PUM2: variants seen among roughly 807,000 people sequenced by gnomAD.
PUM2 encodes pumilio homolog 2.
In PUM2, 57 loss-of-function variants were observed where a neutral mutation model predicts 124.5. That is an observed-to-expected ratio of 0.46 (90% CI 0.37 to 0.57). The LOEUF (loss-of-function observed/expected upper bound fraction) is 0.57. Ranked by LOEUF, PUM2 falls within the 20% of genes least tolerant of loss-of-function variation. The probability of loss-of-function intolerance (pLI) is 0.00; values close to 1 mark genes in which losing one functional copy is unlikely to be tolerated. For synonymous variants in PUM2, 460 were observed against 446.1 expected, an observed-to-expected ratio of 1.03 and a Z score of -0.39; for missense variants, 1,065 against 1,290.6, an observed-to-expected ratio of 0.83 and a Z score of 2.68.
chr2:20,281,049 G>C (rs1436563436), intron 12 of PUM2, among the ~76,000 whole-genome samples: 3 of 152,118 alleles, frequency 2.0e-5, no homozygotes, highest in Admixed American at 2.0e-4. Context: ...TAGAGCTCAT[G>C]TAAGTATGTA....
intron 1 of PUM2, among the ~76,000 whole-genome samples, chr2:20,341,560 T>A (rs183912795): frequency 2.0e-5 from 3 of 152,324 alleles, no homozygotes; most frequent in South Asian, 4.1e-4. Context: ...GTAAAGAAGG[T>A]ACTGTTGGCT....
chr2:20,318,487 A>G, intron 3 of PUM2, 50 bp downstream of exon 3: 1 of 1,506,094 alleles, frequency 6.6e-7, no homozygotes, highest in East Asian at 2.3e-5. Context: ...ATTATGACTT[A>G]TAAAATGCTA....
chr2:20,308,704 G>C, intron 5 of PUM2, 120 bp from the exon 6 acceptor site: 1 of 899,572 alleles, frequency 1.1e-6, no homozygotes, highest in South Asian at 1.9e-5. Context: ...AGGCATTCTG[G>C]GTCACTATGC....
chr2:20,258,090 T>G, intron 16 of PUM2, 153 bp downstream of exon 16: 1 of 560,876 alleles, frequency 1.8e-6, no homozygotes, highest in Non-Finnish European at 2.9e-6. Context: ...TTCTAATTAG[T>G]AGTGTGCTAT....
At chr2:20,335,486 G>A (rs1685802119) in intron 1 of PUM2, among the ~76,000 whole-genome samples, 1 of 152,024 alleles carries the variant, frequency 6.6e-6, no homozygotes, top group Non-Finnish European at 1.5e-5. Context: ...ACCAACTCTT[G>A]GTAATTTCTT....
At chr2:20,273,340 C>A (rs903344445) in intron 13 of PUM2, among the ~76,000 whole-genome samples, 1 of 152,122 alleles carries the variant, frequency 6.6e-6, no homozygotes, top group African/African-American at 2.4e-5. Flanking sequence ...AAGTCTACTA[C>A]GAGGCATTTT....
chr2:20,323,187 G>A (rs1465205083), intron 2 of PUM2, among the ~76,000 whole-genome samples: 1 of 152,198 alleles, frequency 6.6e-6, no homozygotes, highest in Non-Finnish European at 1.5e-5. Context: ...GGTGGCTCAC[G>A]TCTGTAATCC....
At chr2:20,252,545 G>A (rs1558464658) in intron 20 of PUM2, among the ~76,000 whole-genome samples, 1 of 152,224 alleles carries the variant, frequency 6.6e-6, no homozygotes, top group Non-Finnish European at 1.5e-5. Flanking sequence ...AAGGGGTTAT[G>A]TAATTCATGT....
chr2:20,327,261 G>C lies in PUM2; in HGVS notation c.51+49C>G, dbSNP rs1177613735. On this transcript the variant is annotated intron_variant, in intron 2 of 20. Coordinates refer to ENST00000361078, the MANE Select transcript of PUM2 (RefSeq NM_015317.5). ...TTAAAAAAAAAAAATAAGTTACAAT[G>C]GCTCAAAATAAAGTGAGGTGTAAGT... 4 of 1,284,078 alleles carry C rather than the reference G, an allele frequency of 3.1e-6. No homozygotes were observed. The African/African-American group carries it at 6.0e-5, about 19-fold the overall frequency. The allele number at this position is 1,284,078 out of a possible 1,614,324, so 79.5% of individuals were successfully genotyped here. A position where few individuals can be genotyped will look rare whatever the true frequency, so the allele number is the denominator to read the frequency against.
intron 10 of PUM2, among the ~76,000 whole-genome samples, chr2:20,284,349 C>T (rs1672225562): frequency 6.6e-6 from 1 of 152,104 alleles, no homozygotes; most frequent in African/African-American, 2.4e-5. Flanking sequence ...GCAAAACATG[C>T]ATTGGCAACT....
intron 14 of PUM2, among the ~76,000 whole-genome samples, chr2:20,261,380 T>C (rs1489198796): frequency 9.9e-6 from 1 of 100,572 alleles, no homozygotes; most frequent in African/African-American, 4.0e-5. Context: ...AGCGACAGAG[T>C]GAGACTCTGT....
intron 7 of PUM2, among the ~76,000 whole-genome samples, chr2:20,298,144 G>C (rs1234330269): frequency 1.3e-5 from 2 of 152,108 alleles, no homozygotes; most frequent in African/African-American, 4.8e-5. Flanking sequence ...CACTCCATCT[G>C]GTGAGAAAAA....
chr2:20,284,996 G>C (rs927109362), intron 10 of PUM2, among the ~76,000 whole-genome samples: 1 of 152,104 alleles, frequency 6.6e-6, no homozygotes, highest in Non-Finnish European at 1.5e-5. Context: ...CTAAATCCAA[G>C]GCACACAGAA....
chr2:20,280,014 G>T (rs1370345334), intron 12 of PUM2, among the ~76,000 whole-genome samples: 1 of 152,048 alleles, frequency 6.6e-6, no homozygotes, highest in African/African-American at 2.4e-5. Flanking sequence ...CTTTTCAAGG[G>T]ATCTAAGTTT....
At chr2:20,275,686 T>C (rs1469389436) in intron 13 of PUM2, among the ~76,000 whole-genome samples, 2 of 151,900 alleles carry the variant, frequency 1.3e-5, no homozygotes, top group African/African-American at 4.8e-5. Flanking sequence ...ACCCATAAAT[T>C]ATCTGACCAA....
At chr2:20,307,319 T>C (rs1353915457) in intron 7 of PUM2, among the ~76,000 whole-genome samples, 8 of 152,196 alleles carry the variant, frequency 5.3e-5, no homozygotes, top group Admixed American at 3.3e-4. Flanking sequence ...CCCCCTTCCA[T>C]AGACTCTGAT....
intron 13 of PUM2, among the ~76,000 whole-genome samples, chr2:20,269,186 ATT>A (rs991010505): frequency 1.3e-5 from 2 of 151,766 alleles, no homozygotes; most frequent in Non-Finnish European, 2.9e-5. Flanking sequence ...ACTGAATAAA[ATT>A]TTAATAATAA....
rs1346529172 is a variant in PUM2, at chr2:20,249,194, C to G, written c.*2391G>C. On this transcript the variant is annotated 3_prime_UTR_variant, in exon 21 of 21. Transcript: ENST00000361078. ...TAAAATTGCAGAGATAATGCCTGTG[C>G]CAACAGAGGGCAAGGATGAAGGAAG... 6.6e-6 allele frequency: 1 copy of G among 152,136 alleles called. No individual in the cohort carries two copies. The highest frequency in any genetic ancestry group is 1.5e-5 in the Non-Finnish European group (1 of 68,050). 9.4% of individuals were successfully genotyped at this position (152,136 alleles called of 1,614,324 possible).
intron 19 of PUM2, 139 bp from the exon 20 acceptor site, chr2:20,254,153 T>C: frequency 1.3e-6 from 1 of 790,600 alleles, no homozygotes. Context: ...TGATTACTTT[T>C]ATTTTATTTT....
Sources: gnomAD v4.1 joint callset for allele counts (sites outside exome capture counted in the v4.1 genomes callset) on GRCh38, gnomAD v4.1.1 for gene constraint, MANE v1.5 for transcripts, NCBI Gene and HGNC (gene_info 2026-07-23, HGNC 2026-07-21) for gene names.